ERC2: variants seen among roughly 807,000 people sequenced by gnomAD.
ERC2 encodes ERC protein 2.
ERC2 carries 42 observed loss-of-function variants against 114.8 expected under a neutral mutation model. The ratio of observed to expected loss-of-function variants is 0.37; its 90% CI spans 0.29 to 0.47. ERC2 has a LOEUF of 0.47. ERC2 is among the 20% of genes least tolerant of loss of function. ERC2 has a pLI of 0.99. For missense variants in ERC2, 939 were observed against 1,150.7 expected (o/e 0.82, Z 2.66); for synonymous variants, 454 against 425.5 (o/e 1.07, Z -0.82).
intron 3 of ERC2, among the ~76,000 whole-genome samples, chr3:56,226,039 T>C (rs1167688282): frequency 1.3e-5 from 2 of 152,202 alleles, no homozygotes; most frequent in South Asian, 2.1e-4. Flanking sequence ...CTTTCTACTA[T>C]TCTACTATTT....
chr3:55,943,053 C>T (rs1056890104), intron 13 of ERC2, among the ~76,000 whole-genome samples: 2 of 152,132 alleles, frequency 1.3e-5, no homozygotes, highest in Admixed American at 1.3e-4. Context: ...CAGGTGCCCC[C>T]CTGACTAACC....
intron 4 of ERC2, among the ~76,000 whole-genome samples, chr3:56,169,340 T>C (rs2082497408): frequency 1.3e-5 from 2 of 152,256 alleles, no homozygotes; most frequent in South Asian, 4.1e-4. Flanking sequence ...TTTAAGCAAA[T>C]GAACTCTAGA....
intron 14 of ERC2, among the ~76,000 whole-genome samples, chr3:55,807,139 AAAG>A (rs1388373231): frequency 8.5e-5 from 13 of 152,340 alleles, no homozygotes; most frequent in Non-Finnish European, 1.3e-4. Context: ...TGACTCAGAT[AAAG>A]AAGAGTGGAT....
At chr3:56,361,556 G>T (rs1406949255) in intron 2 of ERC2, among the ~76,000 whole-genome samples, 1 of 152,206 alleles carries the variant, frequency 6.6e-6, no homozygotes, top group African/African-American at 2.4e-5. Flanking sequence ...AATATTCTAT[G>T]TTTTAAGGGG....
chr3:56,380,836 G>A (rs1223345866), intron 2 of ERC2, among the ~76,000 whole-genome samples: 1 of 152,100 alleles, frequency 6.6e-6, no homozygotes, highest in African/African-American at 2.4e-5. Context: ...TCCTATTTTT[G>A]TATGTGAAAA....
At chr3:55,830,363 C>T (rs2060514901) in intron 14 of ERC2, among the ~76,000 whole-genome samples, 1 of 152,110 alleles carries the variant, frequency 6.6e-6, no homozygotes, top group Non-Finnish European at 1.5e-5. Flanking sequence ...TGCAGAAATT[C>T]AGAAACGAAG....
intron 13 of ERC2, among the ~76,000 whole-genome samples, chr3:55,905,319 A>C (rs1392736269): frequency 2.0e-5 from 3 of 152,094 alleles, no homozygotes; most frequent in Non-Finnish European, 4.4e-5. Flanking sequence ...GACCTCAAGC[A>C]ATCCACCTGC....
chr3:56,444,531 AT>A (rs1004123614), intron 1 of ERC2, among the ~76,000 whole-genome samples: 8 of 152,226 alleles, frequency 5.3e-5, no homozygotes, highest in Admixed American at 4.6e-4. Flanking sequence ...GCTTTCTCTA[AT>A]TGCATAGGAA....
intron 13 of ERC2, among the ~76,000 whole-genome samples, chr3:55,920,951 C>T (rs1270739512): frequency 6.6e-6 from 1 of 152,064 alleles, no homozygotes; most frequent in Non-Finnish European, 1.5e-5. Context: ...AGTGATGACA[C>T]TGGGCTTCAA....
intron 17 of ERC2, among the ~76,000 whole-genome samples, chr3:55,512,410 ACT>A (rs576752934): frequency 1.3e-5 from 2 of 152,062 alleles, no homozygotes; most frequent in Non-Finnish European, 2.9e-5. Flanking sequence ...TGGCACATAA[ACT>A]CTCTGCAAAC....
intron 15 of ERC2, among the ~76,000 whole-genome samples, chr3:55,724,302 G>C (rs1471112110): frequency 1.3e-5 from 2 of 152,182 alleles, no homozygotes; most frequent in East Asian, 3.9e-4. Flanking sequence ...GGGGCCAGGC[G>C]AGAAGGGTCA....
chr3:55,672,788 C>T (rs1014280519), intron 17 of ERC2, among the ~76,000 whole-genome samples: 1 of 152,174 alleles, frequency 6.6e-6, no homozygotes, highest in African/African-American at 2.4e-5. Context: ...CAGAGTCCAT[C>T]CTTCCCTGTC....
At chr3:56,397,351 A>G (rs1177075211) in intron 2 of ERC2, among the ~76,000 whole-genome samples, 1 of 80,738 alleles carries the variant, frequency 1.2e-5, no homozygotes, top group African/African-American at 3.9e-5. Context: ...TCTGTCTTAA[A>G]AAAAAAAAAA....
intron 3 of ERC2, among the ~76,000 whole-genome samples, chr3:56,201,185 C>G (rs2048383120): frequency 1.3e-5 from 2 of 152,150 alleles, no homozygotes; most frequent in Non-Finnish European, 2.9e-5. Context: ...ACACAGCTCC[C>G]CTTAGGAAGC....
intron 17 of ERC2, among the ~76,000 whole-genome samples, chr3:55,595,161 A>T (rs1455004778): frequency 2.6e-5 from 4 of 152,228 alleles, no homozygotes; most frequent in African/African-American, 9.6e-5. Context: ...GCTTAGAAGG[A>T]CCCAGCAGTT....
At chr3:56,003,088 A>G in intron 10 of ERC2, 1 of 1,289,472 alleles carries the variant, frequency 7.8e-7, no homozygotes, top group Non-Finnish European at 1.0e-6. Context: ...GAACTTTCAG[A>G]AATGACTTAC....
At chr3:55,538,036 C>G (rs2054114693) in intron 17 of ERC2, among the ~76,000 whole-genome samples, 1 of 152,092 alleles carries the variant, frequency 6.6e-6, no homozygotes, top group South Asian at 2.1e-4. Flanking sequence ...CCTTTGAGGT[C>G]ATTTAGGATA....
At chr3:55,573,278 G>T (rs959521646) in intron 17 of ERC2, among the ~76,000 whole-genome samples, 3 of 152,164 alleles carry the variant, frequency 2.0e-5, no homozygotes, top group Non-Finnish European at 2.9e-5. Flanking sequence ...AGTAAAATGG[G>T]TATGGATAAT....
At chr3:55,683,433 G>T (rs535676300) in intron 17 of ERC2, among the ~76,000 whole-genome samples, 3 of 152,124 alleles carry the variant, frequency 2.0e-5, no homozygotes, top group Non-Finnish European at 4.4e-5. Flanking sequence ...GCAAGCAGTC[G>T]GCTGAAAACC....
Sources: allele counts gnomAD v4.1 joint callset (sites outside exome capture counted in the v4.1 genomes callset), GRCh38; gene constraint gnomAD v4.1.1; transcripts MANE v1.5; gene names NCBI Gene and HGNC (gene_info 2026-07-23, HGNC 2026-07-21).